LRRC4C: variants seen among roughly 807,000 people sequenced by gnomAD.
The protein encoded by LRRC4C is leucine-rich repeat-containing protein 4C.
In LRRC4C, 5 loss-of-function variants were observed where a neutral mutation model predicts 33.6. The ratio of observed to expected loss-of-function variants is 0.15; its 90% CI spans 0.08 to 0.31. LRRC4C has a LOEUF of 0.31. LRRC4C is among the 10% of genes least tolerant of loss of function. LRRC4C has a pLI of 1.00. For synonymous variants in LRRC4C, 329 were observed against 302.0 expected, an observed-to-expected ratio of 1.09 and a Z score of -0.93; for missense variants, 560 against 796.7, an observed-to-expected ratio of 0.70 and a Z score of 3.58.
rs1256670988 is a variant in LRRC4C, at chr11:41,304,920, G to A, written c.-496+154511C>T. On this transcript the variant is annotated intron_variant, in intron 1 of 6. Transcript: ENST00000528697. ...CGCCCCATCCGGGAGGGAGGTGGGG[G>A]GGGGTCAGCCCACCTGCTGGGCCAG... Among the ~76,000 whole-genome samples the A allele has an allele frequency of 1.5e-5, 2 of 131,480 alleles. 1 individual carries two copies. The highest frequency in any genetic ancestry group is 3.3e-5 in the Non-Finnish European group (2 of 60,622). The allele number at this position is 131,480 out of a possible 152,430, so 86.3% of individuals were successfully genotyped here.
At chr11:40,884,939 A>T (rs1207166007) in intron 2 of LRRC4C, among the ~76,000 whole-genome samples, 1 of 152,046 alleles carries the variant, frequency 6.6e-6, no homozygotes. Flanking sequence ...ATGTGTACAC[A>T]TGGACACAAG....
At chr11:41,270,205 A>AT (rs1949277084) in intron 1 of LRRC4C, among the ~76,000 whole-genome samples, 1 of 152,074 alleles carries the variant, frequency 6.6e-6, no homozygotes, top group Non-Finnish European at 1.5e-5. Context: ...AAACTGTCCT[A>AT]TCCAAAAATT....
chr11:40,574,971 C>T (rs542828609), intron 3 of LRRC4C, among the ~76,000 whole-genome samples: 1 of 152,232 alleles, frequency 6.6e-6, no homozygotes, highest in Non-Finnish European at 1.5e-5. Context: ...GGTAAGACCA[C>T]TGTATGGGCA....
At position 40,584,345 on chromosome 11, in the gene LRRC4C, T is replaced by A. The variant is rs564001387; in HGVS notation, c.-270+63797A>T. Among the ~76,000 whole-genome samples the A allele has an allele frequency of 2.6e-5, 4 of 151,522 alleles. No individual in the cohort carries two copies. In the South Asian group the frequency reaches 8.3e-4, roughly 32 times the overall value. On this transcript the variant is annotated intron_variant, in intron 3 of 6. Transcript: ENST00000528697. ...TGATAATAAAAAATGTCTTCAGACATTACTAAATAGTTTTTGGAGAGAAAA... is the reference window on the plus strand; with the variant it reads ...TGATAATAAAAAATGTCTTCAGACAATACTAAATAGTTTTTGGAGAGAAAA...
intron 1 of LRRC4C, among the ~76,000 whole-genome samples, chr11:41,110,978 A>T (rs959032093): frequency 6.6e-5 from 10 of 151,232 alleles, no homozygotes; most frequent in African/African-American, 2.5e-4. Context: ...TAACCCAAGA[A>T]TTTGCATTTC....
intron 1 of LRRC4C, among the ~76,000 whole-genome samples, chr11:41,375,164 G>C (rs1301394869): frequency 6.6e-6 from 1 of 152,014 alleles, no homozygotes; most frequent in African/African-American, 2.4e-5. Flanking sequence ...AAAATAATTA[G>C]TGAAGCAAAT....
chr11:41,236,043 T>G (rs1363659305), intron 1 of LRRC4C, among the ~76,000 whole-genome samples: 1 of 152,106 alleles, frequency 6.6e-6, no homozygotes, highest in East Asian at 1.9e-4. Flanking sequence ...ATGGAACAGA[T>G]AGCAAGTTTT....
intron 4 of LRRC4C, among the ~76,000 whole-genome samples, chr11:40,285,011 CCAA>C (rs1375742537): frequency 6.6e-6 from 1 of 152,040 alleles, no homozygotes; most frequent in Non-Finnish European, 1.5e-5. Flanking sequence ...ATCTCCTCCA[CCAA>C]CAAGAGGCAC....
At chr11:40,935,082 C>T (rs1957812378) in intron 1 of LRRC4C, among the ~76,000 whole-genome samples, 1 of 152,096 alleles carries the variant, frequency 6.6e-6, no homozygotes, top group Non-Finnish European at 1.5e-5. Context: ...AATTGTTGTT[C>T]TCCTCCCATT....
chr11:40,814,408 C>A (rs1951622457), intron 2 of LRRC4C, among the ~76,000 whole-genome samples: 1 of 152,110 alleles, frequency 6.6e-6, no homozygotes, highest in South Asian at 2.1e-4. Flanking sequence ...CCCTACACTG[C>A]ACACAGTAGG....
chr11:41,236,708 G>T (rs1565505534), intron 1 of LRRC4C, among the ~76,000 whole-genome samples: 1 of 152,004 alleles, frequency 6.6e-6, no homozygotes, highest in East Asian at 1.9e-4. Context: ...TTTGAAAAAA[G>T]AAAAATGTTA....
intron 1 of LRRC4C, among the ~76,000 whole-genome samples, chr11:41,253,515 T>A (rs993252235): frequency 1.3e-5 from 2 of 152,062 alleles, no homozygotes; most frequent in African/African-American, 4.8e-5. Flanking sequence ...GCATTTCATT[T>A]TACAAGAACC....
intron 2 of LRRC4C, among the ~76,000 whole-genome samples, chr11:40,883,625 ATAAT>A (rs1182849860): frequency 1.3e-5 from 2 of 152,004 alleles, no homozygotes; most frequent in South Asian, 2.1e-4. Context: ...TATATATTGC[ATAAT>A]TAAACATATA....
chr11:40,600,141 G>A (rs763766334), intron 3 of LRRC4C, among the ~76,000 whole-genome samples: 2 of 152,172 alleles, frequency 1.3e-5, no homozygotes, highest in Non-Finnish European at 2.9e-5. Context: ...TGGAAGTTCA[G>A]GGTGACTAGA....
At chr11:40,734,326 A>G (rs1947748760) in intron 2 of LRRC4C, among the ~76,000 whole-genome samples, 1 of 152,208 alleles carries the variant, frequency 6.6e-6, no homozygotes, top group Admixed American at 6.5e-5. Context: ...ATTGAACTTT[A>G]TTCCTAAAAT....
intron 2 of LRRC4C, among the ~76,000 whole-genome samples, chr11:40,664,871 C>T (rs1943633125): frequency 6.6e-6 from 1 of 151,822 alleles, no homozygotes; most frequent in Admixed American, 6.6e-5. Context: ...GTGTGCTGCA[C>T]CCACTAACTC....
chr11:40,419,179 T>G (rs1249863850), intron 3 of LRRC4C, among the ~76,000 whole-genome samples: 1 of 151,738 alleles, frequency 6.6e-6, no homozygotes, highest in Non-Finnish European at 1.5e-5. Context: ...CTCAGAAAAC[T>G]GTAAGAAAAT....
At chr11:40,258,597 G>A (rs1001470587) in intron 4 of LRRC4C, among the ~76,000 whole-genome samples, 4 of 152,096 alleles carry the variant, frequency 2.6e-5, no homozygotes, top group East Asian at 3.9e-4. Context: ...TTAACTTGCC[G>A]AGCAGATATG....
chr11:41,019,385 G>A (rs1175561264), intron 1 of LRRC4C, among the ~76,000 whole-genome samples: 1 of 152,116 alleles, frequency 6.6e-6, no homozygotes, highest in African/African-American at 2.4e-5. Flanking sequence ...ATTCCATGGT[G>A]TATATGTACC....
Sources: gnomAD v4.1 joint callset for allele counts (sites outside exome capture counted in the v4.1 genomes callset) on GRCh38, gnomAD v4.1.1 for gene constraint, MANE v1.5 for transcripts, NCBI Gene and HGNC (gene_info 2026-07-23, HGNC 2026-07-21) for gene names.